The following TRIM66 variants were observed in gnomAD, a reference collection of about 807,000 sequenced individuals.
The protein encoded by TRIM66 is tripartite motif containing 66, also known as tripartite motif-containing protein 66.
TRIM66 carries 99 observed loss-of-function variants against 148.2 expected under a neutral mutation model. That is an observed-to-expected ratio of 0.67 (90% confidence interval 0.57 to 0.79). The LOEUF (loss-of-function observed/expected upper bound fraction) is 0.79, where lower values mean the gene tolerates loss of function less well. Among genes scored for constraint, TRIM66 ranks in the 30% least tolerant of loss-of-function variants. TRIM66 has a pLI of 0.00. For synonymous variants in TRIM66, 616 were observed against 635.9 expected (o/e 0.97, Z 0.47); for missense variants, 1,666 against 1,697.9 (o/e 0.98, Z 0.33).
intron 6 of TRIM66, chr11:8,658,769 A>C: frequency 1.0e-6 from 1 of 985,306 alleles, no homozygotes; most frequent in Non-Finnish European, 1.2e-6. Flanking sequence ...GGAGCCCAAG[A>C]TATCCCTCCA....
At chr11:8,656,137 CTTT>C (rs1360759517) in intron 6 of TRIM66, among the ~76,000 whole-genome samples, 6 of 152,126 alleles carry the variant, frequency 3.9e-5, no homozygotes, top group Non-Finnish European at 7.4e-5. Context: ...TCAACCTTGA[CTTT>C]TTATTATTTT....
chr11:8,625,463 T>TTGTGTG (rs147088164), intron 15 of TRIM66, among the ~76,000 whole-genome samples: 1,942 of 148,236 alleles, frequency 0.013, 42 homozygotes, highest in African/African-American at 0.044. Context: ...CGGAGAACTA[T>TTGTGTG]TGTGTGTGTG....
rs1474139886 is a variant in TRIM66, at chr11:8,666,879, A to C, written c.340+4907T>G. ...GGCTGGAGTGCAGTGGCGCGATCTC[A>C]GCTCACTGCAACCTCCACTTCCTGG... On this transcript the variant is annotated intron_variant, in intron 6 of 24. Transcript: ENST00000646038. Among the ~76,000 whole-genome samples, 3 of 152,110 alleles carry C rather than the reference A, an allele frequency of 2.0e-5. No individual in the cohort carries two copies. In the East Asian group the frequency reaches 5.8e-4, roughly 29 times the overall value.
At chr11:8,624,009 G>C (rs925028995) in intron 17 of TRIM66, among the ~76,000 whole-genome samples, 1 of 152,180 alleles carries the variant, frequency 6.6e-6, no homozygotes, top group Non-Finnish European at 1.5e-5. Context: ...CCATCTATCG[G>C]ACTCCAAAGT....
chr11:8,618,980 G>A lies in TRIM66; in HGVS notation c.3901-12C>T, dbSNP rs781532870. 2.8e-5 allele frequency: 43 copies of A among 1,550,150 alleles called. No homozygotes were observed. The highest frequency in any genetic ancestry group is 3.4e-5 in the Non-Finnish European group (39 of 1,145,948). On this transcript the variant is annotated splice_polypyrimidine_tract_variant and intron_variant, in intron 23 of 24. Coordinates refer to ENST00000646038, the MANE Select transcript of TRIM66 (RefSeq NM_001388022.1). Reference sequence around the variant, plus strand: ...ACCTCGGAGTCAGGCTGATGGGGGAGGAGAGCAGTGATGGTCTAGCCTGTT... The same window carrying A: ...ACCTCGGAGTCAGGCTGATGGGGGAAGAGAGCAGTGATGGTCTAGCCTGTT...
At chr11:8,653,019 G>T (rs966162765) in intron 6 of TRIM66, among the ~76,000 whole-genome samples, 13 of 152,182 alleles carry the variant, frequency 8.5e-5, no homozygotes, top group African/African-American at 2.2e-4. Flanking sequence ...AATTAGATAA[G>T]ACTTCAGAAA....
In TRIM66 at chr11:8,646,855, G is replaced by A. The variant is rs76022785; in HGVS notation, c.843-294C>T. Among the ~76,000 whole-genome samples, 531 of 151,478 alleles carry A rather than the reference G, an allele frequency of 3.5e-3. 3 individuals carry two copies. Among genetic ancestry groups the A allele is most frequent in the African/African-American group, 0.012 (480 of 41,298 alleles). On this transcript the variant is annotated intron_variant, in intron 10 of 24. Coordinates refer to ENST00000646038, the MANE Select transcript of TRIM66 (RefSeq NM_001388022.1). ...AGGTAGGACCAAAAGAGAAAGTATG[G>A]GAATAATTTACTGTAATTTGTTGTG...
At chr11:8,674,912 C>T (rs1366749063) in intron 3 of TRIM66, 29 bp from the exon 4 acceptor site, 3 of 152,166 alleles carry the variant, frequency 2.0e-5, no homozygotes, top group Admixed American at 6.5e-5. Flanking sequence ...CTTTAATAGC[C>T]TTATCAGGTA....
intron 3 of TRIM66, 173 bp downstream of exon 3, chr11:8,679,447 G>A (rs1441911511): frequency 1.3e-5 from 2 of 152,590 alleles, no homozygotes; most frequent in Non-Finnish European, 2.9e-5. Context: ...CGCGTGACCT[G>A]AGGGACAGAA....
At chr11:8,639,984 A>C (rs951767438) in intron 14 of TRIM66, among the ~76,000 whole-genome samples, 2 of 152,156 alleles carry the variant, frequency 1.3e-5, no homozygotes, top group Non-Finnish European at 2.9e-5. Context: ...GACAGGGCTA[A>C]GCCAAGCTAC....
intron 3 of TRIM66, among the ~76,000 whole-genome samples, chr11:8,675,840 G>A (rs1038335354): frequency 3.9e-5 from 6 of 152,064 alleles, no homozygotes; most frequent in African/African-American, 1.4e-4. Context: ...CCTGGTTCAA[G>A]CGATTCTCCT....
At chr11:8,658,271 T>C (rs1225562174) in intron 6 of TRIM66, among the ~76,000 whole-genome samples, 2 of 152,374 alleles carry the variant, frequency 1.3e-5, no homozygotes, top group African/African-American at 2.4e-5. Context: ...GAGGCGACTC[T>C]CTTCCTAGCT....
At chr11:8,659,501 G>T (rs2038100696) in intron 6 of TRIM66, among the ~76,000 whole-genome samples, 1 of 152,178 alleles carries the variant, frequency 6.6e-6, no homozygotes, top group Non-Finnish European at 1.5e-5. Context: ...ACAGAGGTAG[G>T]TAACAGGAGG....
Position 8,648,665 on chromosome 11 carries a change from G to A in TRIM66, c.593-117C>T. 1.3e-5 allele frequency: 17 copies of A among 1,281,908 alleles called. No individual in the cohort carries two copies. The South Asian group carries it at 2.2e-4, about 17-fold the overall frequency. The allele number at this position is 1,281,908 out of a possible 1,614,324, so 79.4% of individuals were successfully genotyped here. On this transcript the variant is annotated intron_variant, in intron 8 of 24. Transcript: ENST00000646038. The stretch of plus-strand genomic sequence containing the variant: ...GACACTGCAGAAATACAGAGCTCGG[G>A]GGAAGTGTTATAAACAGGAGATGAC...
intron 9 of TRIM66, 110 bp from the exon 10 acceptor site, chr11:8,648,196 G>A: frequency 8.4e-7 from 1 of 1,193,632 alleles, no homozygotes; most frequent in Admixed American, 2.0e-5. Context: ...CATGGAAGCT[G>A]TGATGACTTC....
chr11:8,657,446 C>T (rs2037924891), intron 6 of TRIM66, among the ~76,000 whole-genome samples: 1 of 152,298 alleles, frequency 6.6e-6, no homozygotes, highest in Admixed American at 6.5e-5. Flanking sequence ...CCCCACCACA[C>T]AGATGATGAC....
chr11:8,640,972 G>C lies in TRIM66; in HGVS notation c.1403C>G (p.Ser468Cys), dbSNP rs770305108. 3 of 1,551,232 alleles carry C rather than the reference G, an allele frequency of 1.9e-6. No individual in the cohort carries two copies. In the African/African-American group the frequency reaches 4.1e-5, roughly 21 times the overall value. Residue 468 changes from serine (S) to cysteine (C), a missense_variant, in exon 14 of 25, where the codon TCC becomes TGC. Ser to Cys is a moderately radical substitution (Grantham distance 112). This residue lies in a region of TRIM66 where 1,431 missense variants were observed against 1,412.4 expected (regional missense o/e 1.01). Transcript: ENST00000646038. ...PAVCSSSVCC[S>C]HCSPVSPSLK... is the part of the protein sequence containing the mutation. The stretch of plus-strand genomic sequence containing the variant: ...GGAAGGCGAGACTGGGGAGCAGTGG[G>C]AGCAGCACACAGATGAGGAGCACAC...
At chr11:8,623,719 T>C (rs1180296131) in intron 17 of TRIM66, among the ~76,000 whole-genome samples, 1 of 152,152 alleles carries the variant, frequency 6.6e-6, no homozygotes, top group Non-Finnish European at 1.5e-5. Context: ...CCTAGCCTGG[T>C]TGGAGAAGGG....
rs1355125292 is a variant in TRIM66 at position 8,624,556 on chromosome 11, C to G, written c.2827-5G>C. On this transcript the variant is annotated splice_polypyrimidine_tract_variant and splice_region_variant and intron_variant, in intron 16 of 24. Coordinates refer to ENST00000646038, the MANE Select transcript of TRIM66 (RefSeq NM_001388022.1). ...AGTGGAATCCTCACTTTCCATCTTT[C>G]AAAAGTGAAATGTCGACAAGAATCA... 2.0e-6 allele frequency: 3 copies of G among 1,521,542 alleles called. No homozygotes were observed. The highest frequency in any genetic ancestry group is 2.6e-6 in the Non-Finnish European group (3 of 1,134,870). 94.3% of individuals were successfully genotyped at this position (1,521,542 alleles called of 1,614,324 possible).
Sources: allele counts gnomAD v4.1 joint callset (sites outside exome capture counted in the v4.1 genomes callset), GRCh38; gene constraint gnomAD v4.1.1; regional missense constraint gnomAD v4.1.1; transcripts MANE v1.5; gene names NCBI Gene and HGNC (gene_info 2026-07-23, HGNC 2026-07-21).